The following SLC6A2 variants were observed in gnomAD, a reference collection of about 807,000 sequenced individuals.
The protein encoded by SLC6A2 is solute carrier family 6 member 2, also known as sodium-dependent noradrenaline transporter.
Under a neutral mutation model 71.7 loss-of-function variants are expected in SLC6A2, and 26 were observed. The ratio of observed to expected loss-of-function variants is 0.36; its 90% CI spans 0.27 to 0.50. The LOEUF (loss-of-function observed/expected upper bound fraction) is 0.50, where lower values mean the gene tolerates loss of function less well. SLC6A2 is among the 20% of genes least tolerant of loss of function. The pLI is 0.96. For synonymous variants in SLC6A2, 363 were observed against 337.9 expected (o/e 1.07, Z -0.82); for missense variants, 581 against 803.9 (o/e 0.72, Z 3.35).
rs1966076922 is a variant in SLC6A2, at chr16:55,705,237, A to C, written c.*2891A>C. ...CTAGATGAAAACGAGACAAGGGAGA[A>C]GGAGAGCTACCAACTCTTGCCAGAT... On this transcript the variant is annotated 3_prime_UTR_variant, in exon 15 of 15. Transcript: ENST00000568943. The C allele has an allele frequency of 6.5e-7, 1 of 1,536,364 alleles. No homozygotes were observed. The highest frequency in any genetic ancestry group is 1.4e-5 in the African/African-American group (1 of 73,060).
chr16:55,695,779 G>A (rs754916463), intron 8 of SLC6A2, among the ~76,000 whole-genome samples: 17 of 152,288 alleles, frequency 1.1e-4, no homozygotes, highest in Non-Finnish European at 1.5e-4. Context: ...ATTGTCTGGC[G>A]TCACCCAGCT....
intron 2 of SLC6A2, among the ~76,000 whole-genome samples, chr16:55,668,615 G>T (rs190148138): frequency 6.6e-6 from 1 of 152,282 alleles, no homozygotes; most frequent in East Asian, 1.9e-4. Context: ...TATGACATGT[G>T]TCCCAGTGAG....
chr16:55,691,734 CT>C (rs2142583517), intron 5 of SLC6A2, among the ~76,000 whole-genome samples, 183 bp from the exon 6 acceptor site: 1 of 152,306 alleles, frequency 6.6e-6, no homozygotes, highest in African/African-American at 2.4e-5. Context: ...TGTCCGTTTG[CT>C]GGTCTAGCCC....
Position 55,656,951 on chromosome 16 carries a change from G to A in SLC6A2, c.257G>A (p.Cys86Tyr). The A allele has an allele frequency of 4.3e-6, 7 of 1,613,574 alleles. No individual in the cohort carries two copies. Among genetic ancestry groups the A allele is most frequent in the Non-Finnish European group, 5.9e-6 (7 of 1,179,708 alleles). ...LANVWRFPYL[C>Y]YKNGGGAFLI... ...AACGTGTGGCGCTTCCCCTACCTCTGCTACAAGAACGGCGGCGGTGAGCGT... is the reference window on the plus strand; with the variant it reads ...AACGTGTGGCGCTTCCCCTACCTCTACTACAAGAACGGCGGCGGTGAGCGT... The change falls in exon 2 of 15, where the codon TGC becomes TAC. Residue 86 changes from cysteine (C) to tyrosine (Y), a missense_variant. By Grantham distance (194) the Cys-to-Tyr change is radical. Coordinates refer to ENST00000568943, the MANE Select transcript of SLC6A2 (RefSeq NM_001172501.3). This position sits in a 1 kb window ranked among gnomAD's most constrained non-coding sequence, Gnocchi z 4.5.
chr16:55,686,093 A>C (rs373950535), intron 5 of SLC6A2, among the ~76,000 whole-genome samples: 9 of 152,292 alleles, frequency 5.9e-5, no homozygotes, highest in Non-Finnish European at 7.4e-5. Flanking sequence ...AACCACCCCA[A>C]AATGTAGTGA....
At chr16:55,670,765 A>G (rs1317937138) in intron 3 of SLC6A2, among the ~76,000 whole-genome samples, 1 of 152,202 alleles carries the variant, frequency 6.6e-6, no homozygotes, top group Non-Finnish European at 1.5e-5. Flanking sequence ...TCATTGGTTT[A>G]ACTTGAGTCA....
At chr16:55,659,598 G>A (rs1964555926) in intron 2 of SLC6A2, among the ~76,000 whole-genome samples, 1 of 152,184 alleles carries the variant, frequency 6.6e-6, no homozygotes. Context: ...TAATCTCTGT[G>A]TTTCTAATGC....
rs1386936058 is a variant in SLC6A2 at position 55,656,328 on chromosome 16, G to T, written c.-52+159G>T. The T allele has an allele frequency of 6.1e-5, 23 of 378,800 alleles. No individual in the cohort carries two copies. In the Admixed American group the frequency reaches 8.7e-4, roughly 14 times the overall value. The allele number at this position is 378,800 out of a possible 1,614,324, so 23.5% of individuals were successfully genotyped here. On this transcript the variant is annotated intron_variant, in intron 1 of 14. Transcript: ENST00000568943. The surrounding 1 kb of genome is among the most constrained non-coding windows in gnomAD (Gnocchi z 4.5). ...TGTCGCGGACCTGAGCTGGGGAGGGGGTCGGCACGCTGCCCTCAGCCTCGG... is the reference window on the plus strand; with the variant it reads ...TGTCGCGGACCTGAGCTGGGGAGGGTGTCGGCACGCTGCCCTCAGCCTCGG...
chr16:55,674,892 G>A (rs1229637819), intron 4 of SLC6A2, among the ~76,000 whole-genome samples: 1 of 152,186 alleles, frequency 6.6e-6, no homozygotes, highest in African/African-American at 2.4e-5. Flanking sequence ...TGGGTCGAAT[G>A]GTGGTTCTAT....
At position 55,703,033 on chromosome 16, in the gene SLC6A2, G is replaced by A. The variant is rs1462556350; in HGVS notation, c.*687G>A. ...TTCCTCCAGCTTTTGGTGGTCAGAT[G>A]GCCCAGAGATATGGGGGACAGGAGG... On this transcript the variant is annotated 3_prime_UTR_variant, in exon 15 of 15. Coordinates refer to ENST00000568943, the MANE Select transcript of SLC6A2 (RefSeq NM_001172501.3). 16 of 986,734 alleles carry A rather than the reference G, an allele frequency of 1.6e-5. No individual in the cohort carries two copies. The highest frequency in any genetic ancestry group is 6.1e-5 in the Admixed American group (1 of 16,526). The allele number at this position is 986,734 out of a possible 1,614,324, so 61.1% of individuals were successfully genotyped here. A position where few individuals can be genotyped will look rare whatever the true frequency, so the allele number is the denominator to read the frequency against.
intron 13 of SLC6A2, among the ~76,000 whole-genome samples, chr16:55,701,436 G>A (rs1965968660): frequency 6.6e-6 from 1 of 152,196 alleles, no homozygotes; most frequent in African/African-American, 2.4e-5. Context: ...GACCCCACAA[G>A]TGCCTCCACT....
chr16:55,680,467 G>A (rs529483529), intron 4 of SLC6A2, among the ~76,000 whole-genome samples: 164 of 152,308 alleles, frequency 1.1e-3, no homozygotes, highest in Middle Eastern at 3.4e-3. Context: ...ATGTTCGAGG[G>A]TAGCAAGCAT....
chr16:55,669,483 C>A, intron 2 of SLC6A2, 82 bp from the exon 3 acceptor site: 1 of 1,519,558 alleles, frequency 6.6e-7, no homozygotes, highest in Non-Finnish European at 9.1e-7. Flanking sequence ...CGCCCAGGAT[C>A]TTTGCAGCTC....
chr16:55,695,162 A>G (rs1965755965), intron 7 of SLC6A2, 116 bp from the exon 8 acceptor site: 2 of 1,219,516 alleles, frequency 1.6e-6, no homozygotes, highest in South Asian at 2.4e-5. Context: ...GAGCCACTGA[A>G]GGGGGGATGG....
chr16:55,689,845 C>T (rs16955619), intron 5 of SLC6A2, among the ~76,000 whole-genome samples: 3,250 of 152,264 alleles, frequency 0.021, 110 homozygotes, highest in African/African-American at 0.074. Context: ...TAAAGACCTT[C>T]TTAGAACAAG....
chr16:55,687,801 G>A (rs1965501248), intron 5 of SLC6A2, among the ~76,000 whole-genome samples: 1 of 152,238 alleles, frequency 6.6e-6, no homozygotes, highest in South Asian at 2.1e-4. Flanking sequence ...TTTAGCTTCT[G>A]AGTAGAGTGG....
Position 55,703,179 on chromosome 16 carries a change from A to G in SLC6A2, c.*833A>G. On this transcript the variant is annotated 3_prime_UTR_variant, in exon 15 of 15. Coordinates refer to ENST00000568943, the MANE Select transcript of SLC6A2 (RefSeq NM_001172501.3). ...TCATGCTGCTCTTGCTCTGTAAGAC[A>G]CGGAGCCCAGAAACCCATCTGCACT... The G allele has an allele frequency of 1.0e-6, 1 of 985,366 alleles. No homozygotes were observed. Among genetic ancestry groups the G allele is most frequent in the Non-Finnish European group, 1.2e-6 (1 of 829,878 alleles). The allele number at this position is 985,366 out of a possible 1,614,324, so 61.0% of individuals were successfully genotyped here.
intron 13 of SLC6A2, among the ~76,000 whole-genome samples, chr16:55,700,857 A>G (rs1965952399): frequency 6.6e-6 from 1 of 151,926 alleles, no homozygotes; most frequent in South Asian, 2.1e-4. Flanking sequence ...GTGTGTATAT[A>G]CATACATGTA....
At position 55,699,614 on chromosome 16, in the gene SLC6A2, G is replaced by A; in HGVS notation, c.1550G>A (p.Trp517Ter). 2 of 1,614,162 alleles carry A rather than the reference G, an allele frequency of 1.2e-6. No individual in the cohort carries two copies. Among genetic ancestry groups the A allele is most frequent in the Non-Finnish European group, 1.7e-6 (2 of 1,179,998 alleles). ...ATGGGGTTCAGGCCGGGTCTATACT[G>A]GAGACTGTGCTGGAAGTTCGTCAGT... ...QMMGFRPGLY[W>*]RLCWKFVSPA... Residue 517 changes from tryptophan to a stop codon, truncating the protein, a stop_gained, in exon 12 of 15, where the codon TGG (tryptophan) becomes TAG (stop). Transcript: ENST00000568943. LOFTEE classifies it high-confidence loss of function.
Sources: gnomAD v4.1 joint callset for allele counts (sites outside exome capture counted in the v4.1 genomes callset) on GRCh38, gnomAD v4.1.1 for gene constraint, Gnocchi (gnomAD v3.1) non-coding constraint, MANE v1.5 for transcripts, NCBI Gene and HGNC (gene_info 2026-07-23, HGNC 2026-07-21) for gene names.